The following HERC2 variants were observed in gnomAD, a reference collection of about 807,000 sequenced individuals.
HERC2 encodes the protein E3 ubiquitin-protein ligase HERC2.
A neutral mutation model predicts 537.7 loss-of-function variants in HERC2; 102 were observed. The observed-to-expected ratio is 0.19, with a 90% CI of 0.16 to 0.22. The LOEUF is 0.22. Among genes scored for constraint, HERC2 ranks in the 10% least tolerant of loss-of-function variants. The pLI is 1.00. For synonymous variants in HERC2, 2,224 were observed against 2,466.2 expected (o/e 0.90, Z 2.91); for missense variants, 4,236 against 6,198.2 (o/e 0.68, Z 10.63).
rs1030834690 is a variant in HERC2, at chr15:28,183,765, T to C, written c.8826-1253A>G. ...TTCACACATTATATACTAATAAATA[T>C]TTACTTTAAGGGTTCAAAATTTCAT... On this transcript the variant is annotated intron_variant, in intron 56 of 92. Transcript: ENST00000261609. 2.0e-5 allele frequency among the ~76,000 whole-genome samples: 3 copies of C among 152,280 alleles called. No homozygotes were observed. In the South Asian group the frequency reaches 6.2e-4, roughly 32 times the overall value.
At chr15:28,243,742 T>C (rs8028689) in intron 23 of HERC2, among the ~76,000 whole-genome samples, 24,438 of 152,088 alleles carry the variant, frequency 0.16, 3,401 homozygotes, top group East Asian at 0.43. Flanking sequence ...GGTCTTGGCA[T>C]GGAAGTGGAA....
At chr15:28,257,355 A>G in intron 16 of HERC2, 94 bp from the exon 17 acceptor site, 2 of 1,010,852 alleles carry the variant, frequency 2.0e-6, no homozygotes, top group Non-Finnish European at 3.0e-6. Context: ...GAGCTGCCTT[A>G]TACTATTACC....
intron 65 of HERC2, among the ~76,000 whole-genome samples, chr15:28,173,490 T>C (rs1389559105): frequency 6.6e-6 from 1 of 152,156 alleles, no homozygotes; most frequent in African/African-American, 2.4e-5. Context: ...TGATTCTATT[T>C]ATAGTAAGCT....
intron 90 of HERC2, among the ~76,000 whole-genome samples, chr15:28,114,162 G>A (rs1273667160): frequency 6.6e-6 from 1 of 152,224 alleles, no homozygotes; most frequent in Admixed American, 6.5e-5. Flanking sequence ...GGGACAAGCA[G>A]TGGAAGCTGT....
At chr15:28,308,808 C>T (rs1396004121) in intron 2 of HERC2, among the ~76,000 whole-genome samples, 1 of 152,188 alleles carries the variant, frequency 6.6e-6, no homozygotes, top group African/African-American at 2.4e-5. Context: ...GAAATAATCA[C>T]ATGGTTTTTA....
At chr15:28,252,430 G>C in intron 20 of HERC2, among the ~76,000 whole-genome samples, 1 of 152,030 alleles carries the variant, frequency 6.6e-6, no homozygotes, top group East Asian at 1.9e-4. Context: ...AAAAGGGAGG[G>C]GCATTCAAGA....
At chr15:28,123,991 C>T (rs1889203318) in intron 85 of HERC2, 46 bp downstream of exon 85, 4 of 1,464,380 alleles carry the variant, frequency 2.7e-6, no homozygotes, top group Admixed American at 2.1e-5. Context: ...GTTACATGTA[C>T]TGAAGACACC....
chr15:28,153,900 T>C, intron 69 of HERC2, among the ~76,000 whole-genome samples: 1 of 151,984 alleles, frequency 6.6e-6, no homozygotes, highest in East Asian at 1.9e-4. Flanking sequence ...TCAGGAACCA[T>C]CAAGCCGCTC....
rs533948134 is a variant in HERC2 at position 28,111,526 on chromosome 15, G to A, written c.*237C>T. The A allele has an allele frequency of 2.3e-4, 132 of 566,582 alleles. 1 individual carries two copies. The African/African-American group carries it at 2.3e-3, about 10-fold the overall frequency. 35.1% of individuals were successfully genotyped at this position (566,582 alleles called of 1,614,324 possible). On this transcript the variant is annotated 3_prime_UTR_variant, in exon 93 of 93. Coordinates refer to ENST00000261609, the MANE Select transcript of HERC2 (RefSeq NM_004667.6). ...TAGTAAACACAGTCCTACATGTAATGCAGCATTACGGGTGAGAAGACCCTT... is the reference window on the plus strand; with the variant it reads ...TAGTAAACACAGTCCTACATGTAATACAGCATTACGGGTGAGAAGACCCTT...
Position 28,215,603 on chromosome 15 carries a change from T to C in HERC2, c.6210+18A>G. On this transcript the variant is annotated intron_variant, in intron 39 of 92. Coordinates refer to ENST00000261609, the MANE Select transcript of HERC2 (RefSeq NM_004667.6). ...GAGGCCTCTCTCAGGGAACTGGTTT[T>C]GCCTGGCAGCACATTACCTGCCTCT... The C allele has an allele frequency of 6.3e-7, 1 of 1,587,582 alleles. No homozygotes were observed. Among genetic ancestry groups the C allele is most frequent in the East Asian group, 2.3e-5 (1 of 44,066 alleles).
intron 12 of HERC2, among the ~76,000 whole-genome samples, chr15:28,267,097 T>C (rs2075589207): frequency 6.6e-6 from 1 of 152,176 alleles, no homozygotes; most frequent in Admixed American, 6.5e-5. Flanking sequence ...GGATCCAGAA[T>C]ATGTTCCTAT....
At chr15:28,137,458 T>C (rs1302583139) in intron 78 of HERC2, among the ~76,000 whole-genome samples, 1 of 152,244 alleles carries the variant, frequency 6.6e-6, no homozygotes, top group Non-Finnish European at 1.5e-5. Context: ...CCCAAAAGCA[T>C]GTGCTGACTT....
chr15:28,291,684 G>A (rs1273386771), intron 4 of HERC2, among the ~76,000 whole-genome samples: 2 of 151,908 alleles, frequency 1.3e-5, no homozygotes, highest in African/African-American at 4.8e-5. Flanking sequence ...ATAAAGGGAA[G>A]AGATTATGAA....
In HERC2 at chr15:28,293,022, T is replaced by A. The variant is rs771433758; in HGVS notation, c.188A>T (p.Asp63Val). Residue 63 changes from aspartate (D) to valine (V), a missense_variant and splice_region_variant, in exon 4 of 93, where the codon GAT (aspartate) becomes GTT (valine). By Grantham distance (152) the Asp-to-Val change is radical (BLOSUM62 -3). Transcript: ENST00000261609. Reference protein sequence around the residue: ...TQNGELPPRKDDSVEPSGTKK... With the variant: ...TQNGELPPRKVDSVEPSGTKK... ...TGTTCCACTTGGTTCGACACTATCA[T>A]CTGCAGAATTAAAAATTTTTTAATC... 1.9e-6 allele frequency: 3 copies of A among 1,599,612 alleles called. No individual in the cohort carries two copies. Among genetic ancestry groups the A allele is most frequent in the Non-Finnish European group, 2.5e-6 (3 of 1,177,196 alleles).
intron 4 of HERC2, among the ~76,000 whole-genome samples, chr15:28,292,191 T>C (rs1398932725): frequency 7.8e-6 from 1 of 128,320 alleles, no homozygotes; most frequent in African/African-American, 3.0e-5. Flanking sequence ...ATTGCACCAC[T>C]GCACTCCAGC....
At chr15:28,124,554 G>A (rs1416744359) in intron 84 of HERC2, among the ~76,000 whole-genome samples, 1 of 56,312 alleles carries the variant, frequency 1.8e-5, no homozygotes, top group East Asian at 1.0e-3. Context: ...AATATTGGCT[G>A]GCATGAACAT....
rs36068402 is a variant in HERC2, at chr15:28,129,780, C to CTTTTTTTTTTTTT, written c.12802+370_12802+382dup. 4.9e-5 allele frequency among the ~76,000 whole-genome samples: 7 copies of CTTTTTTTTTTTTT among 143,552 alleles called. 2 individuals carry two copies. Among genetic ancestry groups the CTTTTTTTTTTTTT allele is most frequent in the Non-Finnish European group, 3.0e-5 (2 of 65,892 alleles). 94.2% of individuals were successfully genotyped at this position (143,552 alleles called of 152,430 possible). A position where few individuals can be genotyped will look rare whatever the true frequency, so the allele number is the denominator to read the frequency against. On this transcript the variant is annotated intron_variant, in intron 83 of 92. Coordinates refer to ENST00000261609, the MANE Select transcript of HERC2 (RefSeq NM_004667.6). Reference sequence around the variant, plus strand: ...AGGACACAGTATAAGCCTCTGCCTCCTTTTTTTTTTTTTTTTTGAGACAGT... The same window carrying CTTTTTTTTTTTTT: ...AGGACACAGTATAAGCCTCTGCCTCCTTTTTTTTTTTTTTTTTTTTTTTTTTTTTTGAGACAGT...
chr15:28,162,882 C>T (rs548766879), intron 69 of HERC2, among the ~76,000 whole-genome samples: 3 of 152,322 alleles, frequency 2.0e-5, no homozygotes, highest in African/African-American at 7.2e-5. Context: ...CAGAGCGAGA[C>T]TCCGTCTCAA....
chr15:28,130,796 T>C (rs1367252547), intron 81 of HERC2, among the ~76,000 whole-genome samples: 1 of 152,230 alleles, frequency 6.6e-6, no homozygotes, highest in African/African-American at 2.4e-5. Flanking sequence ...AGCACACCCG[T>C]TGGCACACTG....
Sources: allele counts gnomAD v4.1 joint callset (sites outside exome capture counted in the v4.1 genomes callset), GRCh38; gene constraint gnomAD v4.1.1; transcripts MANE v1.5; gene names NCBI Gene and HGNC (gene_info 2026-07-23, HGNC 2026-07-21).